Variants in FYN observed in about 807,000 individuals in gnomAD.
The protein encoded by FYN is FYN proto-oncogene, Src family tyrosine kinase, also known as tyrosine-protein kinase Fyn.
A neutral mutation model predicts 70.2 loss-of-function variants in FYN; 10 were observed. The observed-to-expected ratio is 0.14, with a 90% CI of 0.09 to 0.24. The LOEUF is 0.24. FYN is among the 10% of genes least tolerant of loss of function. The probability of loss-of-function intolerance (pLI) is 1.00; values close to 1 mark genes in which losing one functional copy is unlikely to be tolerated. For synonymous variants in FYN, 236 were observed against 248.6 expected, an observed-to-expected ratio of 0.95 and a Z score of 0.48; for missense variants, 319 against 673.1, an observed-to-expected ratio of 0.47 and a Z score of 5.82.
Position 111,730,912 on chromosome 6 carries a change from CAGTGTCACATCTGGGCCACAGTGGCAGA to C in FYN, c.-11-10878_-11-10851del, listed in dbSNP as rs1449093786. On this transcript the variant is annotated intron_variant, in intron 3 of 13. Transcript: ENST00000354650. ...GACCAGCAAAGAGAAACAGGAAGGTCAGTGTCACATCTGGGCCACAGTGGCAGAGCCTAGCTTTCTGGGCTGCGCCTGT... is the reference window on the plus strand; with the variant it reads ...GACCAGCAAAGAGAAACAGGAAGGTCGCCTAGCTTTCTGGGCTGCGCCTGT... Among the ~76,000 whole-genome samples, 50 of 152,312 alleles carry C rather than the reference CAGTGTCACATCTGGGCCACAGTGGCAGA, an allele frequency of 3.3e-4. No homozygotes were observed. In the South Asian group the frequency reaches 3.3e-3, roughly 10 times the overall value.
chr6:111,745,985 G>A (rs1802194096), intron 3 of FYN, among the ~76,000 whole-genome samples: 1 of 152,220 alleles, frequency 6.6e-6, no homozygotes, highest in African/African-American at 2.4e-5. Flanking sequence ...AAATGTGGGT[G>A]ACCACTGTGT....
intron 3 of FYN, among the ~76,000 whole-genome samples, chr6:111,757,784 TTAAATTCTAAGA>T (rs1802805431): frequency 6.6e-6 from 1 of 152,208 alleles, no homozygotes; most frequent in Admixed American, 6.5e-5. Flanking sequence ...AGGATGTCAT[TTAAATTCTAAGA>T]ACTTCTTGAT....
intron 1 of FYN, among the ~76,000 whole-genome samples, chr6:111,861,803 A>G (rs1773971281): frequency 6.6e-6 from 1 of 152,242 alleles, no homozygotes; most frequent in South Asian, 2.1e-4. Context: ...CCCCATGACC[A>G]TGGAAAACAT....
At chr6:111,739,448 G>A (rs1801851776) in intron 3 of FYN, among the ~76,000 whole-genome samples, 1 of 152,232 alleles carries the variant, frequency 6.6e-6, no homozygotes, top group East Asian at 1.9e-4. Flanking sequence ...CAGGGTTCTG[G>A]CTCCTGCCTG....
intron 3 of FYN, among the ~76,000 whole-genome samples, chr6:111,752,898 G>A (rs1232445379): frequency 1.3e-5 from 2 of 152,180 alleles, no homozygotes; most frequent in African/African-American, 4.8e-5. Context: ...AGACAGGGCT[G>A]TGAACTGGTG....
intron 2 of FYN, among the ~76,000 whole-genome samples, chr6:111,825,915 T>C (rs954938745): frequency 9.9e-5 from 15 of 152,226 alleles, no homozygotes; most frequent in Admixed American, 2.0e-4. Flanking sequence ...TGTCACTAGA[T>C]TGTATTTCTT....
intron 5 of FYN, 93 bp from the exon 6 acceptor site, chr6:111,708,113 A>G (rs1331350997): frequency 4.5e-6 from 4 of 893,434 alleles, no homozygotes; most frequent in Non-Finnish European, 7.3e-6. Flanking sequence ...CTGTCACCTA[A>G]TCATCCTGCC....
At chr6:111,869,103 A>C (rs1044680594) in intron 1 of FYN, among the ~76,000 whole-genome samples, 1 of 152,246 alleles carries the variant, frequency 6.6e-6, no homozygotes, top group Non-Finnish European at 1.5e-5. Flanking sequence ...GATGGCTGGT[A>C]TGAATGGAAT....
chr6:111,671,826 T>C (rs1425313126), intron 13 of FYN, among the ~76,000 whole-genome samples: 5 of 152,334 alleles, frequency 3.3e-5, no homozygotes, highest in Non-Finnish European at 5.9e-5. Flanking sequence ...TTAGGAATTA[T>C]TATCCTTCGT....
At chr6:111,713,893 CA>C (rs1437749019) in intron 5 of FYN, among the ~76,000 whole-genome samples, 1 of 152,226 alleles carries the variant, frequency 6.6e-6, no homozygotes, top group Admixed American at 6.5e-5. Context: ...AAATGTTTAG[CA>C]GTTTATAAAA....
chr6:111,776,603 A>G (rs1770952614), intron 3 of FYN, among the ~76,000 whole-genome samples: 2 of 152,164 alleles, frequency 1.3e-5, no homozygotes, highest in South Asian at 4.1e-4. Flanking sequence ...AGAATATTAC[A>G]CCACAGCTTT....
At chr6:111,800,540 T>G (rs1227408176) in intron 2 of FYN, among the ~76,000 whole-genome samples, 1 of 152,162 alleles carries the variant, frequency 6.6e-6, no homozygotes, top group Admixed American at 6.5e-5. Context: ...TTTACTATGA[T>G]CTAAAACGGG....
intron 12 of FYN, among the ~76,000 whole-genome samples, chr6:111,693,465 T>C (rs931113312): frequency 9.2e-5 from 14 of 152,094 alleles, no homozygotes; most frequent in African/African-American, 3.4e-4. Context: ...TCACACACTT[T>C]TACCTGGTGA....
intron 3 of FYN, among the ~76,000 whole-genome samples, chr6:111,729,549 A>C (rs886978105): frequency 6.6e-6 from 1 of 152,170 alleles, no homozygotes; most frequent in Non-Finnish European, 1.5e-5. Flanking sequence ...GCCTTTTAAA[A>C]AAATGACATG....
At chr6:111,768,131 G>C (rs1358755544) in intron 3 of FYN, among the ~76,000 whole-genome samples, 1 of 152,232 alleles carries the variant, frequency 6.6e-6, no homozygotes, top group Non-Finnish European at 1.5e-5. Context: ...ACACATGCGT[G>C]TATGTGGTTG....
chr6:111,736,121 C>A (rs1385467155), intron 3 of FYN, among the ~76,000 whole-genome samples: 1 of 152,094 alleles, frequency 6.6e-6, no homozygotes, highest in South Asian at 2.1e-4. Flanking sequence ...AACAACAGAC[C>A]GGTGTCACAA....
chr6:111,798,932 A>G (rs1458059751), intron 2 of FYN, among the ~76,000 whole-genome samples: 1 of 152,218 alleles, frequency 6.6e-6, no homozygotes, highest in Admixed American at 6.5e-5. Context: ...GGGATATTCC[A>G]TATTTTTCTT....
At chr6:111,738,603 T>C (rs1801809517) in intron 3 of FYN, among the ~76,000 whole-genome samples, 1 of 152,208 alleles carries the variant, frequency 6.6e-6, no homozygotes, top group Non-Finnish European at 1.5e-5. Flanking sequence ...TCTTCCCTCT[T>C]GGTCACCCCT....
intron 1 of FYN, among the ~76,000 whole-genome samples, chr6:111,857,312 T>C (rs1306444912): frequency 6.6e-6 from 1 of 152,222 alleles, no homozygotes; most frequent in Non-Finnish European, 1.5e-5. Context: ...TACTTTCCAC[T>C]GACCTGAGGC....
Sources: gnomAD v4.1 joint callset for allele counts (sites outside exome capture counted in the v4.1 genomes callset) on GRCh38, gnomAD v4.1.1 for gene constraint, MANE v1.5 for transcripts, NCBI Gene and HGNC (gene_info 2026-07-23, HGNC 2026-07-21) for gene names.